GPATCH2: variants seen among roughly 807,000 people sequenced by gnomAD.
GPATCH2 encodes the protein G-patch domain containing 2.
Under a neutral mutation model 58.0 loss-of-function variants are expected in GPATCH2, and 51 were observed. The observed-to-expected ratio is 0.88, with a 90% CI of 0.70 to 1.11. The LOEUF (loss-of-function observed/expected upper bound fraction) is 1.11. Ranked by LOEUF, GPATCH2 falls within the 50% of genes most tolerant of loss-of-function variation. The pLI, the probability that GPATCH2 is intolerant of heterozygous loss-of-function variation, is 0.00. For missense variants in GPATCH2, 625 were observed against 652.2 expected, an observed-to-expected ratio of 0.96 and a Z score of 0.45; for synonymous variants, 222 against 218.5, an observed-to-expected ratio of 1.02 and a Z score of -0.14.
chr1:217,439,498 G>A (rs1184086724), intron 9 of GPATCH2, among the ~76,000 whole-genome samples: 1 of 152,064 alleles, frequency 6.6e-6, no homozygotes, highest in East Asian at 1.9e-4. Context: ...GATAGCAGAA[G>A]ACAAGAAATA....
At chr1:217,489,489 T>G (rs1346836413) in intron 8 of GPATCH2, among the ~76,000 whole-genome samples, 1 of 152,240 alleles carries the variant, frequency 6.6e-6, no homozygotes, top group Non-Finnish European at 1.5e-5. Flanking sequence ...AACACGCTAT[T>G]GCTGTCCATT....
intron 9 of GPATCH2, among the ~76,000 whole-genome samples, chr1:217,438,207 G>C (rs1049990562): frequency 6.6e-6 from 1 of 152,116 alleles, no homozygotes; most frequent in Non-Finnish European, 1.5e-5. Context: ...AATGACGTCT[G>C]CACAGAAACC....
intron 5 of GPATCH2, among the ~76,000 whole-genome samples, chr1:217,523,912 A>C (rs1663641059): frequency 1.0e-5 from 1 of 97,760 alleles, no homozygotes; most frequent in African/African-American, 3.5e-5. Context: ...TGACCCCCAC[A>C]CCTCCCTCCC....
intron 2 of GPATCH2, among the ~76,000 whole-genome samples, chr1:217,617,283 G>T (rs1668932990): frequency 6.6e-6 from 1 of 152,092 alleles, no homozygotes; most frequent in Non-Finnish European, 1.5e-5. Flanking sequence ...CTCTACCTAT[G>T]AATGCCATTT....
At chr1:217,475,542 C>A (rs569880262) in intron 8 of GPATCH2, among the ~76,000 whole-genome samples, 185 of 152,134 alleles carry the variant, frequency 1.2e-3, no homozygotes, top group Non-Finnish European at 2.2e-3. Flanking sequence ...TTACTTGGGG[C>A]AGAGTGTTGA....
intron 5 of GPATCH2, among the ~76,000 whole-genome samples, chr1:217,577,905 C>A (rs12029335): frequency 0.47 from 71,811 of 151,490 alleles, 18,309 homozygotes; most frequent in East Asian, 0.92. Flanking sequence ...GCGCCACCAC[C>A]CCTGGCTAAT....
intron 1 of GPATCH2, among the ~76,000 whole-genome samples, chr1:217,629,598 G>A (rs1558540646): frequency 1.3e-5 from 2 of 152,148 alleles, no homozygotes; most frequent in Non-Finnish European, 2.9e-5. Flanking sequence ...ATTAAGACAG[G>A]TATCCTTGAG....
intron 5 of GPATCH2, among the ~76,000 whole-genome samples, chr1:217,536,057 AT>A (rs1664445430): frequency 6.6e-6 from 1 of 152,128 alleles, no homozygotes; most frequent in Non-Finnish European, 1.5e-5. Flanking sequence ...CAATTTTAAA[AT>A]TTTATTAGTA....
At chr1:217,445,637 G>T (rs1659355023) in intron 9 of GPATCH2, among the ~76,000 whole-genome samples, 1 of 152,012 alleles carries the variant, frequency 6.6e-6, no homozygotes. Flanking sequence ...CAGAGAACAA[G>T]CTATACATTA....
At chr1:217,543,766 G>A (rs944002765) in intron 5 of GPATCH2, among the ~76,000 whole-genome samples, 1 of 152,170 alleles carries the variant, frequency 6.6e-6, no homozygotes, top group African/African-American at 2.4e-5. Context: ...TTCTGAGAAA[G>A]AGTGTATTAA....
At chr1:217,574,848 A>G (rs1016396757) in intron 5 of GPATCH2, among the ~76,000 whole-genome samples, 1 of 152,220 alleles carries the variant, frequency 6.6e-6, no homozygotes, top group Non-Finnish European at 1.5e-5. Context: ...CTAGCAAACT[A>G]TAAAGAAAGG....
chr1:217,554,273 G>A (rs1270399169), intron 5 of GPATCH2, among the ~76,000 whole-genome samples: 1 of 152,168 alleles, frequency 6.6e-6, no homozygotes, highest in Non-Finnish European at 1.5e-5. Context: ...AGTGGCCAAA[G>A]CTATAATTGC....
chr1:217,577,044 T>C (rs932627699), intron 5 of GPATCH2, among the ~76,000 whole-genome samples: 1 of 152,198 alleles, frequency 6.6e-6, no homozygotes, highest in African/African-American at 2.4e-5. Context: ...ATAATATATT[T>C]GCTAATTGGA....
At chr1:217,568,750 A>G (rs1016115817) in intron 5 of GPATCH2, among the ~76,000 whole-genome samples, 3 of 152,200 alleles carry the variant, frequency 2.0e-5, no homozygotes, top group Non-Finnish European at 2.9e-5. Context: ...GTAAGCTAGT[A>G]CAGGATTTTA....
At chr1:217,546,612 T>C (rs1465347978) in intron 5 of GPATCH2, among the ~76,000 whole-genome samples, 1 of 152,184 alleles carries the variant, frequency 6.6e-6, no homozygotes, top group South Asian at 2.1e-4. Context: ...TTGTGATGGA[T>C]TAAAGATTTA....
chr1:217,447,435 G>A (rs968698420), intron 9 of GPATCH2, among the ~76,000 whole-genome samples: 16 of 152,098 alleles, frequency 1.1e-4, no homozygotes, highest in African/African-American at 3.4e-4. Flanking sequence ...CTTCCCTTGC[G>A]TTCAATAATT....
Position 217,611,187 on chromosome 1 carries a change from T to C in GPATCH2, c.836-116A>G, listed in dbSNP as rs951758155. 1.1e-5 allele frequency: 10 copies of C among 892,224 alleles called. No homozygotes were observed. In the African/African-American group the frequency reaches 1.7e-4, roughly 15 times the overall value. 55.3% of individuals were successfully genotyped at this position (892,224 alleles called of 1,614,324 possible). Reference sequence around the variant, plus strand: ...ATGGCAGTTAAATTTGAATTTGAGATCAATGACTAACTTTTAATATAAGTA... The same window carrying C: ...ATGGCAGTTAAATTTGAATTTGAGACCAATGACTAACTTTTAATATAAGTA... On this transcript the variant is annotated intron_variant, in intron 3 of 9. Coordinates refer to ENST00000366935, the MANE Select transcript of GPATCH2 (RefSeq NM_018040.5).
intron 5 of GPATCH2, among the ~76,000 whole-genome samples, chr1:217,559,796 T>C (rs1472997197): frequency 1.3e-5 from 2 of 151,220 alleles, no homozygotes; most frequent in African/African-American, 4.9e-5. Flanking sequence ...CCAAAAATGC[T>C]TGAGAGAGAC....
chr1:217,559,538 C>G (rs989873767), intron 5 of GPATCH2, among the ~76,000 whole-genome samples: 2 of 152,130 alleles, frequency 1.3e-5, no homozygotes, highest in African/African-American at 4.8e-5. Flanking sequence ...TATCATTACC[C>G]TCATCTTATG....
Sources: allele counts gnomAD v4.1 joint callset (sites outside exome capture counted in the v4.1 genomes callset), GRCh38; gene constraint gnomAD v4.1.1; transcripts MANE v1.5; gene names NCBI Gene and HGNC (gene_info 2026-07-23, HGNC 2026-07-21).